The following TFDP1 variants were observed in gnomAD, a reference collection of about 807,000 sequenced individuals.
The protein encoded by TFDP1 is DRTF1-polypeptide 1.
Under a neutral mutation model 48.0 loss-of-function variants are expected in TFDP1, and 6 were observed. The ratio of observed to expected loss-of-function variants is 0.13; its 90% confidence interval spans 0.07 to 0.25. The LOEUF (loss-of-function observed/expected upper bound fraction) is 0.25, where lower values mean the gene tolerates loss of function less well. TFDP1 is among the 10% of genes least tolerant of loss of function. The pLI is 1.00. For missense variants in TFDP1, 335 were observed against 543.0 expected (o/e 0.62, Z 3.81); for synonymous variants, 201 against 211.6 (o/e 0.95, Z 0.44).
In TFDP1 at chr13:113,636,604, G is replaced by A; in HGVS notation, c.910G>A (p.Gly304Ser). The change falls in exon 10 of 12, where the codon GGC becomes AGC. Residue 304 changes from glycine (G) to serine (S), a missense_variant. Gly to Ser is a moderately conservative substitution (Grantham distance 56). Around this residue, in one of 3 missense-constraint regions of TFDP1, gnomAD observed 204 missense variants for 287.1 expected, o/e 0.71. Transcript: ENST00000375370. Reference sequence around the variant, plus strand: ...TGACATAGAAGTGCTGAAGCGGATGGGCATGGCTTGCGGGCTGGAGTCGGG... The same window carrying A: ...TGACATAGAAGTGCTGAAGCGGATGAGCATGGCTTGCGGGCTGGAGTCGGG... The part of the protein sequence containing the change: ...HDDIEVLKRM[G>S]MACGLESGSC... 6.2e-7 allele frequency: 1 copy of A among 1,614,200 alleles called. No individual in the cohort carries two copies. Among genetic ancestry groups the A allele is most frequent in the Non-Finnish European group, 8.5e-7 (1 of 1,180,040 alleles).
chr13:113,633,183 C>T lies in TFDP1; in HGVS notation c.372C>T (p.Cys124=), dbSNP rs141171684. ...KGLRHFSMKV[C]EKVQRKGTTS... ...TACGGCATTTCTCCATGAAGGTCTG[C>T]GAGAAGGTGCAGAGGAAAGGGACCA... The change falls in exon 6 of 12, where the codon TGC becomes TGT. Residue 124 remains cysteine (C), a synonymous_variant. Transcript: ENST00000375370. This position sits in a 1 kb window ranked among gnomAD's most constrained non-coding sequence, Gnocchi z 4.5. The T allele has an allele frequency of 1.3e-5, 21 of 1,613,946 alleles. No individual in the cohort carries two copies. The highest frequency in any genetic ancestry group is 4.5e-5 in the East Asian group (2 of 44,902).
intron 3 of TFDP1, among the ~76,000 whole-genome samples, chr13:113,618,673 G>A (rs2048921698): frequency 6.6e-6 from 1 of 152,226 alleles, no homozygotes; most frequent in Admixed American, 6.5e-5. Context: ...GCGGCCGCTG[G>A]GACCCGGGCT....
intron 2 of TFDP1, among the ~76,000 whole-genome samples, chr13:113,603,346 G>C (rs367878734): frequency 2.0e-5 from 3 of 152,250 alleles, no homozygotes; most frequent in Non-Finnish European, 2.9e-5. Flanking sequence ...GTGCTGGCTG[G>C]CAAAGAGGGA....
intron 2 of TFDP1, among the ~76,000 whole-genome samples, chr13:113,594,775 A>G (rs2048246335): frequency 6.6e-6 from 1 of 152,262 alleles, no homozygotes; most frequent in Non-Finnish European, 1.5e-5. Context: ...TCCATTAAGT[A>G]GACTTTCCAC....
intron 2 of TFDP1, among the ~76,000 whole-genome samples, chr13:113,601,076 G>T (rs1203929242): frequency 2.0e-5 from 3 of 152,192 alleles, no homozygotes; most frequent in Admixed American, 1.3e-4. Flanking sequence ...CAGATGCGAG[G>T]TTCTTTTCTG....
intron 4 of TFDP1, among the ~76,000 whole-genome samples, chr13:113,626,730 G>A (rs553039400): frequency 6.6e-5 from 10 of 152,292 alleles, no homozygotes; most frequent in South Asian, 6.2e-4. Flanking sequence ...AGCAGATCAC[G>A]GCTTTTCAGT....
intron 2 of TFDP1, among the ~76,000 whole-genome samples, chr13:113,592,129 T>C (rs1055857150): frequency 3.3e-5 from 5 of 152,282 alleles, no homozygotes; most frequent in Admixed American, 2.6e-4. Flanking sequence ...TATCTGCCTC[T>C]TCCCGTTAGT....
chr13:113,598,056 C>T lies in TFDP1; in HGVS notation c.12+12207C>T, dbSNP rs748670702. Among the ~76,000 whole-genome samples the T allele has an allele frequency of 9.9e-4, 151 of 152,110 alleles. No individual in the cohort carries two copies. Among genetic ancestry groups the T allele is most frequent in the Middle Eastern group, 3.2e-3 (1 of 316 alleles). On this transcript the variant is annotated intron_variant, in intron 2 of 11. Coordinates refer to ENST00000375370, the MANE Select transcript of TFDP1 (RefSeq NM_007111.5). The surrounding 1 kb of genome is among the most constrained non-coding windows in gnomAD (Gnocchi z 4.2). ...ACTTCATAAGAAAAGGGAGTGGAGC[C>T]GCCGACATTTCAGGTGAGTTGTCAT...
intron 2 of TFDP1, among the ~76,000 whole-genome samples, chr13:113,594,493 T>TGTGCTGTGTGCTG (rs1566636573): frequency 6.7e-6 from 1 of 149,540 alleles, no homozygotes; most frequent in African/African-American, 2.5e-5. Context: ...AGGTGACAGG[T>TGTGCTGTGTGCTG]ATGGTGTGCG....
At position 113,628,230 on chromosome 13, in the gene TFDP1, C is replaced by CTG. The variant is rs199587201; in HGVS notation, c.187-3391_187-3390dup. On this transcript the variant is annotated intron_variant, in intron 4 of 11. Transcript: ENST00000375370. ...AAGACTGTCTGGAGCCGTGTAAAGACTGTCTGGAGCCGTGTAGAGACTGTG... is the reference window on the plus strand; with the variant it reads ...AAGACTGTCTGGAGCCGTGTAAAGACTGTGTCTGGAGCCGTGTAGAGACTGTG... Among the ~76,000 whole-genome samples the CTG allele has an allele frequency of 3.9e-3, 560 of 142,800 alleles. 5 individuals are homozygous for CTG. Among genetic ancestry groups the CTG allele is most frequent in the African/African-American group, 0.015 (524 of 34,692 alleles). 93.7% of individuals were successfully genotyped at this position (142,800 alleles called of 152,430 possible). A position where few individuals can be genotyped will look rare whatever the true frequency, so the allele number is the denominator to read the frequency against.
intron 4 of TFDP1, among the ~76,000 whole-genome samples, chr13:113,624,323 C>T (rs1237046358): frequency 6.6e-6 from 1 of 151,594 alleles, no homozygotes; most frequent in Admixed American, 6.6e-5. Context: ...ACCCAGGTGT[C>T]CTCACGTGTC....
At position 113,636,626 on chromosome 13, in the gene TFDP1, C is replaced by T. The variant is rs780903092; in HGVS notation, c.932C>T (p.Ser311Leu). The T allele has an allele frequency of 5.1e-5, 83 of 1,613,660 alleles. No homozygotes were observed. The Admixed American group carries it at 1.3e-3, about 25-fold the overall frequency. Residue 311 changes from serine to leucine, a missense_variant, in exon 10 of 12, where the codon TCG becomes TTG. Ser to Leu is a moderately radical substitution (Grantham distance 145, BLOSUM62 -2). Transcript: ENST00000375370. Reference protein sequence around the residue: ...KRMGMACGLESGSCSAEDLKM... With the variant: ...KRMGMACGLELGSCSAEDLKM... ...ATGGGCATGGCTTGCGGGCTGGAGT[C>T]GGGGAGCTGCTCTGCCGAAGACCTT... is the stretch of plus-strand genomic sequence containing the variant.
At chr13:113,597,282 GATAA>G (rs1164851353) in intron 2 of TFDP1, among the ~76,000 whole-genome samples, 1 of 152,246 alleles carries the variant, frequency 6.6e-6, no homozygotes, top group Non-Finnish European at 1.5e-5. Context: ...TAGCTGCTAT[GATAA>G]ATAAATAGAT....
At chr13:113,625,298 TCTCTCACGTGTCCTCACGTG>T (rs1241611972) in intron 4 of TFDP1, among the ~76,000 whole-genome samples, 42 of 113,368 alleles carry the variant, frequency 3.7e-4, no homozygotes, top group African/African-American at 9.6e-4. Flanking sequence ...TCCTCAGGTG[TCTCTCACGTGTCCTCACGTG>T]TTTCTCAGGC....
In TFDP1 at chr13:113,627,309, G is replaced by A. The variant is rs1291073984; in HGVS notation, c.186+4023G>A. Among the ~76,000 whole-genome samples the A allele has an allele frequency of 6.6e-6, 1 of 152,148 alleles. No homozygotes were observed. The highest frequency in any genetic ancestry group is 6.5e-5 in the Admixed American group (1 of 15,278). On this transcript the variant is annotated intron_variant, in intron 4 of 11. Coordinates refer to ENST00000375370, the MANE Select transcript of TFDP1 (RefSeq NM_007111.5). This position sits in a 1 kb window ranked among gnomAD's most constrained non-coding sequence, Gnocchi z 4.1. ...TGTGGTGCTGCAGAGCTCAGCACGC[G>A]CACAGGAACGTGTGCGGGACAGAGG...
Position 113,586,029 on chromosome 13 carries a change from G to A in TFDP1, c.12+180G>A, listed in dbSNP as rs553241193. On this transcript the variant is annotated intron_variant, in intron 2 of 11. Coordinates refer to ENST00000375370, the MANE Select transcript of TFDP1 (RefSeq NM_007111.5). The stretch of plus-strand genomic sequence containing the variant: ...GGAAGGATCTGATCTCTGAAGCTGC[G>A]GTCACCACCCACAAGTTGTGGCCTT... 2.6e-5 allele frequency: 16 copies of A among 615,242 alleles called. No homozygotes were observed. The East Asian group carries it at 3.5e-4, about 13-fold the overall frequency. 38.1% of individuals were successfully genotyped at this position (615,242 alleles called of 1,614,324 possible). A position where few individuals can be genotyped will look rare whatever the true frequency, so the allele number is the denominator to read the frequency against.
chr13:113,597,607 G>A (rs1414843730), intron 2 of TFDP1, among the ~76,000 whole-genome samples: 1 of 152,248 alleles, frequency 6.6e-6, no homozygotes, highest in Non-Finnish European at 1.5e-5. Flanking sequence ...GGGCAGTGAG[G>A]GAGAAAGGAG....
rs1020264867 is a variant in TFDP1 at position 113,598,789 on chromosome 13, G to A, written c.13-12207G>A. Among the ~76,000 whole-genome samples the A allele has an allele frequency of 7.2e-5, 11 of 152,276 alleles. No homozygotes were observed. The highest frequency in any genetic ancestry group is 5.9e-4 in the Admixed American group (9 of 15,298). Reference sequence around the variant, plus strand: ...TTCTGTGGCCGCCGTCCCTCTGTCCGCTCGGGGTAGCCAGCTTCCTCTGAC... The same window carrying A: ...TTCTGTGGCCGCCGTCCCTCTGTCCACTCGGGGTAGCCAGCTTCCTCTGAC... On this transcript the variant is annotated intron_variant, in intron 2 of 11. Transcript: ENST00000375370. This position sits in a 1 kb window ranked among gnomAD's most constrained non-coding sequence, Gnocchi z 4.2.
chr13:113,603,213 C>T (rs1277855624), intron 2 of TFDP1, among the ~76,000 whole-genome samples: 1 of 152,208 alleles, frequency 6.6e-6, no homozygotes, highest in African/African-American at 2.4e-5. Flanking sequence ...CTGTGTGTTG[C>T]TTGCTGACCC....
Sources: allele counts gnomAD v4.1 joint callset (sites outside exome capture counted in the v4.1 genomes callset), GRCh38; gene constraint gnomAD v4.1.1; regional missense constraint gnomAD v4.1.1; non-coding constraint Gnocchi (gnomAD v3.1); transcripts MANE v1.5; gene names NCBI Gene and HGNC (gene_info 2026-07-23, HGNC 2026-07-21).